SUPT3H: variants seen among roughly 807,000 people sequenced by gnomAD.
SUPT3H encodes the protein SPT3 homolog, SAGA and STAGA complex component, also known as transcription initiation protein SPT3 homolog.
A neutral mutation model predicts 44.3 loss-of-function variants in SUPT3H; 44 were observed. The observed-to-expected ratio is 0.99, with a 90% confidence interval of 0.78 to 1.28. The LOEUF is 1.28. SUPT3H is among the 50% of genes most tolerant of loss of function. The pLI, the probability that SUPT3H is intolerant of heterozygous loss-of-function variation, is 0.00. For synonymous variants in SUPT3H, 124 were observed against 125.6 expected, an observed-to-expected ratio of 0.99 and a Z score of 0.09; for missense variants, 380 against 387.1, an observed-to-expected ratio of 0.98 and a Z score of 0.15.
chr6:45,301,706 G>T (rs2149927965), intron 2 of SUPT3H, among the ~76,000 whole-genome samples: 1 of 152,228 alleles, frequency 6.6e-6, no homozygotes, highest in South Asian at 2.1e-4. Flanking sequence ...TTGAAAGCAA[G>T]GATCATTTTA....
intron 10 of SUPT3H, among the ~76,000 whole-genome samples, chr6:44,858,467 T>A (rs1300167852): frequency 1.3e-5 from 2 of 152,194 alleles, no homozygotes; most frequent in East Asian, 3.8e-4. Context: ...TTTTGTTGCA[T>A]TGCTTTGTTT....
At position 45,078,252 on chromosome 6, in the gene SUPT3H, A is replaced by G. The variant is rs144327272; in HGVS notation, c.186+27670T>C. Among the ~76,000 whole-genome samples, 22 of 152,216 alleles carry G rather than the reference A, an allele frequency of 1.4e-4. No homozygotes were observed. The East Asian group carries it at 4.2e-3, about 29-fold the overall frequency. ...TGGTTTTGTTCTCTTTTTTGTTTGT[A>G]TATCTGCTGTAATTAATTAAATGTT... On this transcript the variant is annotated intron_variant, in intron 3 of 10. Transcript: ENST00000371459.
chr6:44,838,976 A>C (rs1770441531), intron 10 of SUPT3H, among the ~76,000 whole-genome samples: 1 of 152,226 alleles, frequency 6.6e-6, no homozygotes, highest in Non-Finnish European at 1.5e-5. Context: ...AACCATTCTG[A>C]AAATTTATCT....
intron 10 of SUPT3H, among the ~76,000 whole-genome samples, chr6:44,858,883 G>A (rs1447032637): frequency 6.6e-6 from 1 of 151,990 alleles, no homozygotes. Flanking sequence ...ACTCAAAAGA[G>A]GTAAAATCAG....
At chr6:44,960,148 T>C (rs970010706) in intron 7 of SUPT3H, among the ~76,000 whole-genome samples, 6 of 151,966 alleles carry the variant, frequency 3.9e-5, no homozygotes, top group Admixed American at 2.6e-4. Context: ...TAGTTTATTA[T>C]TGAGTTAAAA....
At chr6:45,010,323 C>T (rs1335633216) in intron 5 of SUPT3H, among the ~76,000 whole-genome samples, 7 of 152,050 alleles carry the variant, frequency 4.6e-5, no homozygotes, top group Non-Finnish European at 1.0e-4. Flanking sequence ...GGATGCCCTT[C>T]ATTTCTCTTT....
chr6:44,987,179 AT>A (rs1416902802), intron 6 of SUPT3H, among the ~76,000 whole-genome samples: 20 of 151,612 alleles, frequency 1.3e-4, no homozygotes, highest in Non-Finnish European at 2.6e-4. Flanking sequence ...TAATCCCATC[AT>A]GAAACTCTAC....
At chr6:45,252,641 GA>G (rs1330417478) in intron 2 of SUPT3H, among the ~76,000 whole-genome samples, 42 of 142,726 alleles carry the variant, frequency 2.9e-4, no homozygotes, top group South Asian at 1.1e-3. Context: ...ACAGGCACCT[GA>G]AAAAAAAAAA....
chr6:45,195,631 G>A (rs1038565246), intron 2 of SUPT3H, among the ~76,000 whole-genome samples: 2 of 152,028 alleles, frequency 1.3e-5, no homozygotes, highest in Admixed American at 1.3e-4. Context: ...TGATCGATTT[G>A]TTTTTCATTT....
chr6:45,007,771 T>G (rs1269220953), intron 5 of SUPT3H, among the ~76,000 whole-genome samples: 1 of 151,358 alleles, frequency 6.6e-6, no homozygotes, highest in Non-Finnish European at 1.5e-5. Context: ...TGGGATTCAG[T>G]TGTAATGTAA....
At chr6:45,289,595 CT>C (rs1779963598) in intron 2 of SUPT3H, among the ~76,000 whole-genome samples, 1 of 152,148 alleles carries the variant, frequency 6.6e-6, no homozygotes, top group Non-Finnish European at 1.5e-5. Flanking sequence ...GAGATATCAT[CT>C]GAATAACTTG....
At chr6:44,832,101 TGATGTACAAAG>T (rs1330424206) in intron 10 of SUPT3H, among the ~76,000 whole-genome samples, 2 of 152,132 alleles carry the variant, frequency 1.3e-5, no homozygotes, top group African/African-American at 4.8e-5. Flanking sequence ...TTTTTCCTTT[TGATGTACAAAG>T]GATGTACATT....
chr6:45,320,341 G>GGT (rs919795496), intron 2 of SUPT3H, among the ~76,000 whole-genome samples: 2 of 151,958 alleles, frequency 1.3e-5, no homozygotes, highest in African/African-American at 4.8e-5. Flanking sequence ...ACAGCTCACT[G>GGT]CAGCCTGCAC....
intron 2 of SUPT3H, among the ~76,000 whole-genome samples, chr6:45,126,792 A>G (rs1802500640): frequency 6.6e-6 from 1 of 152,208 alleles, no homozygotes. Flanking sequence ...ACTGACTTCA[A>G]AGTGTTTTGA....
intron 10 of SUPT3H, among the ~76,000 whole-genome samples, chr6:44,881,209 A>G (rs1052354061): frequency 3.3e-5 from 5 of 152,108 alleles, no homozygotes; most frequent in African/African-American, 1.2e-4. Flanking sequence ...TACCAAGCAA[A>G]TGGAAAGCAA....
chr6:45,140,632 AC>A (rs1485691286), intron 2 of SUPT3H, among the ~76,000 whole-genome samples: 4 of 151,842 alleles, frequency 2.6e-5, no homozygotes, highest in Non-Finnish European at 4.4e-5. Flanking sequence ...ATAACCAAGG[AC>A]TCTCACATAG....
chr6:45,346,813 C>T, intron 2 of SUPT3H, among the ~76,000 whole-genome samples: 1 of 152,112 alleles, frequency 6.6e-6, no homozygotes. Flanking sequence ...GATTCGCCCA[C>T]CTTGGCCCCC....
At chr6:45,182,219 A>G (rs992641545) in intron 2 of SUPT3H, among the ~76,000 whole-genome samples, 3 of 152,202 alleles carry the variant, frequency 2.0e-5, no homozygotes, top group Non-Finnish European at 2.9e-5. Flanking sequence ...CATAGAGCTT[A>G]TAGAGAAATA....
intron 2 of SUPT3H, among the ~76,000 whole-genome samples, chr6:45,337,190 ATT>A (rs968239859): frequency 2.0e-5 from 3 of 151,740 alleles, no homozygotes; most frequent in Non-Finnish European, 4.4e-5. Context: ...GACTTACAGA[ATT>A]TTTTTCTAAA....
Sources: allele counts gnomAD v4.1 joint callset (sites outside exome capture counted in the v4.1 genomes callset), GRCh38; gene constraint gnomAD v4.1.1; transcripts MANE v1.5; gene names NCBI Gene and HGNC (gene_info 2026-07-23, HGNC 2026-07-21).